The following ADGRE1 variants were observed in gnomAD, a reference collection of about 807,000 sequenced individuals.
ADGRE1 encodes the protein adhesion G protein-coupled receptor E1.
Under a neutral mutation model 102.7 loss-of-function variants are expected in ADGRE1, and 82 were observed. That is an observed-to-expected ratio of 0.80 (90% confidence interval 0.67 to 0.96). The LOEUF is 0.96. Among genes scored for constraint, ADGRE1 ranks in the 40% least tolerant of loss-of-function variants. The probability of loss-of-function intolerance (pLI) is 0.00; values close to 1 mark genes in which losing one functional copy is unlikely to be tolerated. For missense variants in ADGRE1, 1,032 were observed against 1,085.3 expected (o/e 0.95, Z 0.69); for synonymous variants, 398 against 399.6 (o/e 1.00, Z 0.05).
intron 12 of ADGRE1, 110 bp downstream of exon 12, chr19:6,916,478 G>C: frequency 5.0e-6 from 7 of 1,401,702 alleles, no homozygotes; most frequent in Non-Finnish European, 6.7e-6. Context: ...AACCAATGAG[G>C]GTAGAAATGG....
At chr19:6,929,786 GC>G (rs949282227) in intron 17 of ADGRE1, among the ~76,000 whole-genome samples, 3 of 152,276 alleles carry the variant, frequency 2.0e-5, no homozygotes, top group Non-Finnish European at 4.4e-5. Flanking sequence ...CTCCCCAAGT[GC>G]TGGGATTACA....
chr19:6,937,032 A>G (rs1568367273), intron 18 of ADGRE1, among the ~76,000 whole-genome samples: 1 of 152,162 alleles, frequency 6.6e-6, no homozygotes. Context: ...TGCTGGGATT[A>G]CAGGCTTGAG....
At chr19:6,907,380 C>T (rs1451260640) in intron 9 of ADGRE1, among the ~76,000 whole-genome samples, 1 of 151,158 alleles carries the variant, frequency 6.6e-6, no homozygotes, top group Non-Finnish European at 1.5e-5. Context: ...GCTCTGTTGC[C>T]CAGGCTGGAG....
Position 6,904,172 on chromosome 19 carries a change from C to G in ADGRE1, c.939C>G (p.Phe313Leu). The change falls in exon 8 of 21, where the codon TTC becomes TTG. Residue 313 changes from phenylalanine to leucine, a missense_variant. Phe to Leu is a conservative substitution (Grantham distance 22). Coordinates refer to ENST00000312053, the MANE Select transcript of ADGRE1 (RefSeq NM_001974.5). Reference protein sequence around the residue: ...NPEGSQKDGNFSCQRVLFKCK... With the variant: ...NPEGSQKDGNLSCQRVLFKCK... ...AAGGCTCCCAGAAAGATGGCAACTT[C>G]AGCTGCCAAAGTAATAATCTCTTTG... 1 of 1,613,990 alleles carries G rather than the reference C, an allele frequency of 6.2e-7. No individual in the cohort carries two copies. Among genetic ancestry groups the G allele is most frequent in the South Asian group, 1.1e-5 (1 of 91,074 alleles).
At chr19:6,924,616 C>T in intron 14 of ADGRE1, 62 bp from the exon 15 acceptor site, 7 of 1,508,662 alleles carry the variant, frequency 4.6e-6, no homozygotes, top group East Asian at 2.3e-5. Context: ...GATAACTCTT[C>T]TTCCCGCCTG....
At chr19:6,911,644 TAC>T (rs1974191290) in intron 10 of ADGRE1, among the ~76,000 whole-genome samples, 1 of 147,988 alleles carries the variant, frequency 6.8e-6, no homozygotes, top group East Asian at 2.0e-4. Context: ...CACACACATA[TAC>T]ACACATGCGC....
At position 6,926,346 on chromosome 19, in the gene ADGRE1, C is replaced by T. The variant is rs570918756; in HGVS notation, c.1987-20C>T. ...CTCTCTGGGGTGGAGGATTCTGATG[C>T]GCATGCTTCTCCCCTCCAGATGGGC... is the stretch of plus-strand genomic sequence containing the variant. On this transcript the variant is annotated intron_variant, in intron 15 of 20. Transcript: ENST00000312053. 1.3e-5 allele frequency: 21 copies of T among 1,611,476 alleles called. No individual in the cohort carries two copies. The East Asian group carries it at 2.2e-4, about 17-fold the overall frequency.
chr19:6,920,517 T>C (rs1487641189), intron 13 of ADGRE1, among the ~76,000 whole-genome samples: 2,692 of 12,080 alleles, frequency 0.22, 102 homozygotes, highest in African/African-American at 0.36. Flanking sequence ...CCATGCCCGC[T>C]TTTTTTTTTT....
intron 5 of ADGRE1, 108 bp from the exon 6 acceptor site, chr19:6,901,767 T>G: frequency 8.7e-7 from 1 of 1,153,220 alleles, no homozygotes; most frequent in Admixed American, 1.8e-5. Context: ...TTGGGGAGCA[T>G]CAGCCCTGTC....
Position 6,940,180 on chromosome 19 carries a change from T to A in ADGRE1, c.*151T>A. On this transcript the variant is annotated 3_prime_UTR_variant, in exon 21 of 21. Transcript: ENST00000312053. ...CTCTGGGGAAGAATGTTGGGGGCGG[T>A]CTTCCTGTGGTTGTATGCACTGATG... 1 of 851,066 alleles carries A rather than the reference T, an allele frequency of 1.2e-6. No homozygotes were observed. Among genetic ancestry groups the A allele is most frequent in the Admixed American group, 2.3e-5 (1 of 42,796 alleles). 52.7% of individuals were successfully genotyped at this position (851,066 alleles called of 1,614,324 possible).
intron 14 of ADGRE1, among the ~76,000 whole-genome samples, chr19:6,923,078 A>AAAAG (rs10527997): frequency 0.21 from 31,483 of 151,872 alleles, 3,320 homozygotes; most frequent in South Asian, 0.24. Flanking sequence ...CTCCGTCTCA[A>AAAAG]AAAGAAAGAA....
At chr19:6,915,008 A>AG (rs1177072169) in intron 11 of ADGRE1, among the ~76,000 whole-genome samples, 5 of 30,020 alleles carry the variant, frequency 1.7e-4, no homozygotes, top group East Asian at 2.3e-3. Context: ...TAGGGAGTTA[A>AG]GGTTTTTTTT....
chr19:6,927,990 T>C (rs1409344599), intron 16 of ADGRE1, among the ~76,000 whole-genome samples, 155 bp from the exon 17 acceptor site: 1 of 152,144 alleles, frequency 6.6e-6, no homozygotes, highest in East Asian at 1.9e-4. Context: ...AGCGCAGTGA[T>C]CTAAAGGAAA....
intron 8 of ADGRE1, 151 bp from the exon 9 acceptor site, chr19:6,906,282 T>G: frequency 1.6e-6 from 1 of 624,136 alleles, no homozygotes; most frequent in South Asian, 2.1e-5. Context: ...TGTTGTAGTG[T>G]GTAGTTGTGG....
intron 9 of ADGRE1, among the ~76,000 whole-genome samples, chr19:6,907,713 T>A (rs892386903): frequency 2.6e-5 from 4 of 152,210 alleles, no homozygotes; most frequent in Admixed American, 2.0e-4. Context: ...CAAACACTAA[T>A]CAGCTTTCTG....
intron 2 of ADGRE1, among the ~76,000 whole-genome samples, chr19:6,893,077 C>T (rs915857890): frequency 9.2e-5 from 14 of 152,184 alleles, no homozygotes; most frequent in African/African-American, 2.9e-4. Context: ...CACGTAGGAA[C>T]GAGAACATGC....
At position 6,913,679 on chromosome 19, in the gene ADGRE1, G is replaced by A; in HGVS notation, c.1149G>A (p.Val383=). 6.2e-7 allele frequency: 1 copy of A among 1,610,726 alleles called. No homozygotes were observed. The highest frequency in any genetic ancestry group is 8.5e-7 in the Non-Finnish European group (1 of 1,178,132). The change falls in exon 11 of 21, where the codon GTG becomes GTA. Residue 383 remains valine, a synonymous_variant. Coordinates refer to ENST00000312053, the MANE Select transcript of ADGRE1 (RefSeq NM_001974.5). ...ATACAACTGAGAGCTTTGTCCCTGTGCTTAAACAAATATCCACGTGGACTA... is the reference window on the plus strand; with the variant it reads ...ATACAACTGAGAGCTTTGTCCCTGTACTTAAACAAATATCCACGTGGACTA... ...LKNTTESFVP[V]LKQISTWTKF... is the part of the protein sequence containing the mutation.
rs567063833 is a variant in ADGRE1, at chr19:6,899,670, ACT to A, written c.514+2126_514+2127del. Among the ~76,000 whole-genome samples the A allele has an allele frequency of 7.7e-4, 115 of 149,986 alleles. No individual in the cohort carries two copies. In the South Asian group the frequency reaches 0.02, roughly 27 times the overall value. On this transcript the variant is annotated intron_variant, in intron 5 of 20. Coordinates refer to ENST00000312053, the MANE Select transcript of ADGRE1 (RefSeq NM_001974.5). Reference sequence around the variant, plus strand: ...ACTCCAGCCTGGGCAACAGAGCAAGACTCTGTTTCAAAAAAAAAAAATACCCA... The same window carrying A: ...ACTCCAGCCTGGGCAACAGAGCAAGACTGTTTCAAAAAAAAAAAATACCCA...
chr19:6,932,328 C>T (rs58936486), intron 17 of ADGRE1, among the ~76,000 whole-genome samples: 10,163 of 151,882 alleles, frequency 0.067, 1,095 homozygotes, highest in African/African-American at 0.23. Context: ...ATCAGCCAGG[C>T]GTGGTGGTGC....
Sources: allele counts gnomAD v4.1 joint callset (sites outside exome capture counted in the v4.1 genomes callset), GRCh38; gene constraint gnomAD v4.1.1; transcripts MANE v1.5; gene names NCBI Gene and HGNC (gene_info 2026-07-23, HGNC 2026-07-21).